The following CNTN5 variants were observed in gnomAD, a reference collection of about 807,000 sequenced individuals.
CNTN5 encodes contactin 5.
CNTN5 carries 77 observed loss-of-function variants against 129.1 expected under a neutral mutation model. The observed-to-expected ratio is 0.60, with a 90% CI of 0.50 to 0.72. The LOEUF is 0.72. Ranked by LOEUF, CNTN5 falls within the 30% of genes least tolerant of loss-of-function variation. CNTN5 has a pLI of 0.00. For missense variants in CNTN5, 1,478 were observed against 1,328.8 expected (o/e 1.11, Z -1.75); for synonymous variants, 509 against 465.6 (o/e 1.09, Z -1.20).
intron 3 of CNTN5, among the ~76,000 whole-genome samples, chr11:99,791,203 C>T (rs886643374): frequency 6.6e-6 from 1 of 151,770 alleles, no homozygotes; most frequent in Non-Finnish European, 1.5e-5. Context: ...GGGTCTTAGT[C>T]ATGAACTCTT....
chr11:99,574,930 T>G (rs1949295426), intron 3 of CNTN5, among the ~76,000 whole-genome samples: 1 of 152,204 alleles, frequency 6.6e-6, no homozygotes, highest in Non-Finnish European at 1.5e-5. Context: ...TGACTTCTTT[T>G]AAAATGAAAA....
At chr11:99,691,171 T>A (rs1396201545) in intron 3 of CNTN5, among the ~76,000 whole-genome samples, 1 of 150,802 alleles carries the variant, frequency 6.6e-6, no homozygotes, top group Non-Finnish European at 1.5e-5. Context: ...TAGCTTGCAG[T>A]CTATCTTAAT....
intron 3 of CNTN5, 61 bp downstream of exon 3, chr11:99,556,330 C>T: frequency 1.0e-6 from 1 of 991,380 alleles, no homozygotes. Context: ...CAAAATATAT[C>T]AAGGTCTCCA....
intron 1 of CNTN5, among the ~76,000 whole-genome samples, chr11:99,151,958 G>A (rs190121315): frequency 7.5e-4 from 114 of 152,140 alleles, no homozygotes; most frequent in Middle Eastern, 3.4e-3. Flanking sequence ...CCCATGGTAC[G>A]TGTATACCTA....
chr11:99,600,650 T>C (rs1034284526), intron 3 of CNTN5, among the ~76,000 whole-genome samples: 3 of 152,186 alleles, frequency 2.0e-5, no homozygotes, highest in African/African-American at 7.2e-5. Context: ...TCTACAACTA[T>C]AATACCAGCT....
At chr11:99,189,010 T>G (rs1858497228) in intron 1 of CNTN5, among the ~76,000 whole-genome samples, 1 of 151,706 alleles carries the variant, frequency 6.6e-6, no homozygotes, top group African/African-American at 2.4e-5. Context: ...CTTCCCTCCC[T>G]CAACCCTTGA....
intron 1 of CNTN5, among the ~76,000 whole-genome samples, chr11:99,069,029 G>A (rs192606330): frequency 3.9e-5 from 6 of 152,122 alleles, no homozygotes; most frequent in East Asian, 1.9e-4. Context: ...GGTGGTTGGC[G>A]ATGACTCATC....
At chr11:99,553,117 C>T (rs959518685) in intron 2 of CNTN5, among the ~76,000 whole-genome samples, 1 of 152,086 alleles carries the variant, frequency 6.6e-6, no homozygotes, top group Non-Finnish European at 1.5e-5. Flanking sequence ...AATGGGATGT[C>T]ATTTCATACA....
Position 100,349,885 on chromosome 11 carries a change from A to AAT in CNTN5, c.3031-816_3031-815insTA, listed in dbSNP as rs1952366815. ...AATCTTCTGATGAGATTTCTACCCT[A>AAT]ACTAGCCACACGGTCTTGTACAAGT... On this transcript the variant is annotated intron_variant, in intron 23 of 24. Transcript: ENST00000524871. Among the ~76,000 whole-genome samples the AAT allele has an allele frequency of 2.6e-5, 4 of 151,890 alleles. No individual in the cohort carries two copies. The South Asian group carries it at 6.2e-4, about 24-fold the overall frequency.
intron 18 of CNTN5, among the ~76,000 whole-genome samples, chr11:100,280,088 T>C (rs1950602439): frequency 1.3e-5 from 2 of 151,688 alleles, no homozygotes; most frequent in Non-Finnish European, 3.0e-5. Flanking sequence ...AGGAGCATTT[T>C]TTTTGTGACC....
intron 13 of CNTN5, among the ~76,000 whole-genome samples, chr11:100,145,619 G>A (rs763149736): frequency 5.9e-5 from 9 of 152,112 alleles, no homozygotes; most frequent in Non-Finnish European, 1.0e-4. Flanking sequence ...TGCCATCATT[G>A]TTTTTCTTTC....
intron 1 of CNTN5, among the ~76,000 whole-genome samples, chr11:99,272,298 CTT>C (rs766257853): frequency 2.8e-5 from 4 of 144,566 alleles, no homozygotes; most frequent in African/African-American, 7.6e-5. Flanking sequence ...AGTAAGCAGT[CTT>C]TTTTTTTTTT....
At position 99,594,343 on chromosome 11, in the gene CNTN5, C is replaced by T. The variant is rs115420277; in HGVS notation, c.55+38074C>T. On this transcript the variant is annotated intron_variant, in intron 3 of 24. Coordinates refer to ENST00000524871, the MANE Select transcript of CNTN5 (RefSeq NM_014361.4). ...TGTGAAAAGCTGCAGCTAATGCAGA[C>T]AAGTGAGGCTTTAACACTCTGCCTG... Among the ~76,000 whole-genome samples, 801 of 152,174 alleles carry T rather than the reference C, an allele frequency of 5.3e-3. 6 individuals carry two copies. Among genetic ancestry groups the T allele is most frequent in the African/African-American group, 0.018 (760 of 41,534 alleles).
chr11:99,793,852 G>C (rs1001610042), intron 3 of CNTN5, among the ~76,000 whole-genome samples: 1 of 152,138 alleles, frequency 6.6e-6, no homozygotes, highest in Non-Finnish European at 1.5e-5. Context: ...CCATTTTGGA[G>C]TGTGTGGCAT....
chr11:99,961,542 T>A (rs1479250079), intron 8 of CNTN5, among the ~76,000 whole-genome samples: 1 of 152,158 alleles, frequency 6.6e-6, no homozygotes, highest in Non-Finnish European at 1.5e-5. Flanking sequence ...CAATGGAAGC[T>A]TGAGGACATT....
intron 21 of CNTN5, among the ~76,000 whole-genome samples, chr11:100,339,373 G>A (rs1193481181): frequency 1.3e-5 from 2 of 152,236 alleles, no homozygotes; most frequent in African/African-American, 4.8e-5. Flanking sequence ...AGCTGGAAAG[G>A]GGATGGGAAG....
chr11:99,579,192 C>CT (rs1269739103), intron 3 of CNTN5, among the ~76,000 whole-genome samples: 104 of 151,942 alleles, frequency 6.8e-4, no homozygotes, highest in African/African-American at 2.3e-3. Flanking sequence ...TGGTCTATAT[C>CT]CTGTTTTGGT....
intron 3 of CNTN5, among the ~76,000 whole-genome samples, chr11:99,599,346 G>C (rs1950243095): frequency 6.6e-6 from 1 of 152,006 alleles, no homozygotes. Flanking sequence ...GATTTTCTGA[G>C]AGATTTTTTT....
At chr11:99,723,750 T>TTG (rs954964000) in intron 3 of CNTN5, among the ~76,000 whole-genome samples, 1 of 151,902 alleles carries the variant, frequency 6.6e-6, no homozygotes, top group Non-Finnish European at 1.5e-5. Context: ...ATGCAGTAAA[T>TTG]TGTGTGTGTG....
Sources: allele counts gnomAD v4.1 joint callset (sites outside exome capture counted in the v4.1 genomes callset), GRCh38; gene constraint gnomAD v4.1.1; transcripts MANE v1.5; gene names NCBI Gene and HGNC (gene_info 2026-07-23, HGNC 2026-07-21).